Variants in CNKSR1 observed in about 807,000 individuals in gnomAD.
CNKSR1 encodes the protein CNK homolog protein 1.
Under a neutral mutation model 95.6 loss-of-function variants are expected in CNKSR1, and 88 were observed. The ratio of observed to expected loss-of-function variants is 0.92; its 90% CI spans 0.78 to 1.10. The LOEUF is 1.10. Ranked by LOEUF, CNKSR1 falls within the 50% of genes least tolerant of loss-of-function variation. The pLI is 0.00. For synonymous variants in CNKSR1, 355 were observed against 369.7 expected, an observed-to-expected ratio of 0.96 and a Z score of 0.46; for missense variants, 836 against 912.0, an observed-to-expected ratio of 0.92 and a Z score of 1.07.
chr1:26,179,417 G>C (rs932657645), intron 1 of CNKSR1, among the ~76,000 whole-genome samples: 13 of 152,206 alleles, frequency 8.5e-5, no homozygotes, highest in Admixed American at 7.9e-4. Context: ...AATAGCACTT[G>C]CAAGGACGCT....
chr1:26,183,342 T>C lies in CNKSR1; in HGVS notation c.685-4T>C. 1 of 1,614,104 alleles carries C rather than the reference T, an allele frequency of 6.2e-7. No homozygotes were observed. The highest frequency in any genetic ancestry group is 1.1e-5 in the South Asian group (1 of 91,088). Reference sequence around the variant, plus strand: ...CCAACCTCAGGCCCCATTCCCCACGTCAGGTTCCCACTGACTCCCGACTGC... The same window carrying C: ...CCAACCTCAGGCCCCATTCCCCACGCCAGGTTCCCACTGACTCCCGACTGC... On this transcript the variant is annotated splice_polypyrimidine_tract_variant and splice_region_variant and intron_variant, in intron 7 of 20. Transcript: ENST00000361530.
chr1:26,182,490 T>C lies in CNKSR1; in HGVS notation c.530T>C (p.Val177Ala). The C allele has an allele frequency of 6.2e-7, 1 of 1,614,032 alleles. No individual in the cohort carries two copies. The highest frequency in any genetic ancestry group is 1.1e-5 in the South Asian group (1 of 91,082). Reference sequence around the variant, plus strand: ...GCTCCCCTCCCCCAGTGCAGCCACGTGGCTGGGATCTGCCACAACATCCTG... The same window carrying C: ...GCTCCCCTCCCCCAGTGCAGCCACGCGGCTGGGATCTGCCACAACATCCTG... ...EGTVLRICSH[V>A]AGICHNILVC... Residue 177 changes from valine (V) to alanine (A), a missense_variant, in exon 6 of 21, where the codon GTG (valine) becomes GCG (alanine). Coordinates refer to ENST00000361530, the MANE Select transcript of CNKSR1 (RefSeq NM_006314.3).
chr1:26,182,478 A>G lies in CNKSR1; in HGVS notation c.520-2A>G, dbSNP rs1187086111. On this transcript the variant is annotated splice_acceptor_variant, in intron 5 of 20. Coordinates refer to ENST00000361530, the MANE Select transcript of CNKSR1 (RefSeq NM_006314.3). LOFTEE classifies it high-confidence loss of function. ...GCTACATAGCCCGCTCCCCTCCCCCAGTGCAGCCACGTGGCTGGGATCTGC... is the reference window on the plus strand; with the variant it reads ...GCTACATAGCCCGCTCCCCTCCCCCGGTGCAGCCACGTGGCTGGGATCTGC... The G allele has an allele frequency of 1.2e-6, 2 of 1,613,872 alleles. No homozygotes were observed. The highest frequency in any genetic ancestry group is 1.7e-6 in the Non-Finnish European group (2 of 1,179,950).
At position 26,184,971 on chromosome 1, in the gene CNKSR1, C is replaced by T. The variant is rs756967135; in HGVS notation, c.1136-43C>T. On this transcript the variant is annotated intron_variant, in intron 13 of 20. Transcript: ENST00000361530. Reference sequence around the variant, plus strand: ...CAGGGAGTAGGTTTAGCGGGGGCACCTTGCCAGCCCCTCACTGCCCAGCTT... The same window carrying T: ...CAGGGAGTAGGTTTAGCGGGGGCACTTTGCCAGCCCCTCACTGCCCAGCTT... The T allele has an allele frequency of 2.8e-5, 44 of 1,547,644 alleles. No homozygotes were observed. The East Asian group carries it at 4.2e-4, about 15-fold the overall frequency.
rs750912386 is a variant in CNKSR1 at position 26,188,318 on chromosome 1, C to G, written c.1528+11C>G. Reference sequence around the variant, plus strand: ...CACCCCGAGAGGAAGGTAGGTGTCTCGCAGGGTTGAGTGGGAGGAACCCTC... The same window carrying G: ...CACCCCGAGAGGAAGGTAGGTGTCTGGCAGGGTTGAGTGGGAGGAACCCTC... On this transcript the variant is annotated intron_variant, in intron 17 of 20. Coordinates refer to ENST00000361530, the MANE Select transcript of CNKSR1 (RefSeq NM_006314.3). 6.2e-7 allele frequency: 1 copy of G among 1,613,778 alleles called. No individual in the cohort carries two copies. Among genetic ancestry groups the G allele is most frequent in the African/African-American group, 1.3e-5 (1 of 74,880 alleles).
At chr1:26,180,163 A>C in intron 1 of CNKSR1, 1 of 490,862 alleles carries the variant, frequency 2.0e-6, no homozygotes, top group Non-Finnish European at 3.7e-6. Context: ...CCCCAACCTC[A>C]GAGTTTCTGA....
chr1:26,189,662 T>C lies in CNKSR1; in HGVS notation c.*114T>C, dbSNP rs751613100. The C allele has an allele frequency of 2.5e-6, 2 of 785,966 alleles. No individual in the cohort carries two copies. The highest frequency in any genetic ancestry group is 3.4e-5 in the African/African-American group (2 of 59,262). 48.7% of individuals were successfully genotyped at this position (785,966 alleles called of 1,614,324 possible). ...TTCTGTTCAGGGTGGGAAGTAGTAC[T>C]GCTAGTCATGGTCTCACCCCGAGCT... On this transcript the variant is annotated 3_prime_UTR_variant, in exon 21 of 21. Transcript: ENST00000361530.
At chr1:26,177,622 TG>T in intron 1 of CNKSR1, 23 bp downstream of exon 1, 1 of 1,613,524 alleles carries the variant, frequency 6.2e-7, no homozygotes, top group East Asian at 2.2e-5. Flanking sequence ...GGGGTAGAGT[TG>T]GGCTTGAAGG....
chr1:26,189,747 C>G lies in CNKSR1; in HGVS notation c.*199C>G, dbSNP rs1370332079. On this transcript the variant is annotated 3_prime_UTR_variant, in exon 21 of 21. Coordinates refer to ENST00000361530, the MANE Select transcript of CNKSR1 (RefSeq NM_006314.3). Reference sequence around the variant, plus strand: ...CTTGCCAAAGAAGAAACTCTCCCCCCAAATCCTCCAACCTCTGGGGCCACA... The same window carrying G: ...CTTGCCAAAGAAGAAACTCTCCCCCGAAATCCTCCAACCTCTGGGGCCACA... The G allele has an allele frequency of 2.1e-5, 15 of 700,000 alleles. No individual in the cohort carries two copies. The highest frequency in any genetic ancestry group is 3.9e-5 in the Non-Finnish European group (15 of 384,818). 43.4% of individuals were successfully genotyped at this position (700,000 alleles called of 1,614,324 possible). A position where few individuals can be genotyped will look rare whatever the true frequency, so the allele number is the denominator to read the frequency against.
At position 26,188,876 on chromosome 1, in the gene CNKSR1, T is replaced by A; in HGVS notation, c.1795T>A (p.Ser599Thr). ...QPLTQEQWRS[S>T]FMRRNRDPQL... is the part of the protein sequence containing the mutation. ...CCTGACCCAGGAACAGTGGCGGAGC[T>A]CTTTCATGCGGCGCAACCGAGACCC... Residue 599 changes from serine (S) to threonine (T), a missense_variant, in exon 20 of 21, where the codon TCT (serine) becomes ACT (threonine). Physicochemically the swap from Ser to Thr is moderately conservative, Grantham distance 58. Transcript: ENST00000361530. The A allele has an allele frequency of 6.2e-7, 1 of 1,613,328 alleles. No homozygotes were observed. Among genetic ancestry groups the A allele is most frequent in the Non-Finnish European group, 8.5e-7 (1 of 1,179,842 alleles).
In CNKSR1 at chr1:26,188,910, A is replaced by T; in HGVS notation, c.1829A>T (p.Asn610Ile). Residue 610 changes from asparagine (N) to isoleucine (I), a missense_variant, in exon 20 of 21, where the codon AAT (asparagine) becomes ATT (isoleucine). Coordinates refer to ENST00000361530, the MANE Select transcript of CNKSR1 (RefSeq NM_006314.3). ...FMRRNRDPQL[N>I]ERVHRVRALQ... ...CGGCGCAACCGAGACCCTCAGCTCA[A>T]TGAGCGAGTGCACCGTGTGCGGGCG... 1 of 1,613,776 alleles carries T rather than the reference A, an allele frequency of 6.2e-7. No homozygotes were observed. Among genetic ancestry groups the T allele is most frequent in the African/African-American group, 1.3e-5 (1 of 75,002 alleles).
chr1:26,187,540 G>C (rs1411234071), intron 16 of CNKSR1, 58 bp downstream of exon 16: 2 of 1,559,538 alleles, frequency 1.3e-6, no homozygotes, highest in Non-Finnish European at 1.8e-6. Flanking sequence ...CTGTGAGCTT[G>C]GGAGCCTAGG....
intron 1 of CNKSR1, among the ~76,000 whole-genome samples, chr1:26,178,456 C>A (rs1436371486): frequency 6.6e-6 from 1 of 152,156 alleles, no homozygotes. Context: ...GCTCAGCGAG[C>A]CCACACAGAT....
At position 26,185,138 on chromosome 1, in the gene CNKSR1, C is replaced by T. The variant is rs758382265; in HGVS notation, c.1260C>T (p.Arg420=). The change falls in exon 14 of 21, where the codon CGC becomes CGT. Residue 420 remains arginine (R), a synonymous_variant. Transcript: ENST00000361530. The stretch of plus-strand genomic sequence containing the variant: ...TCATGGGCCCGCGCTGGCGCCGCCG[C>T]TGGTTTGTGCTCAAGGGACACACGC... The part of the protein sequence containing the change: ...GGFMGPRWRR[R]WFVLKGHTLY... 1.3e-6 allele frequency: 2 copies of T among 1,575,246 alleles called. No individual in the cohort carries two copies. The highest frequency in any genetic ancestry group is 1.7e-6 in the Non-Finnish European group (2 of 1,160,846).
At chr1:26,182,737 A>C (rs1023013635) in intron 6 of CNKSR1, among the ~76,000 whole-genome samples, 153 bp downstream of exon 6, 2 of 152,180 alleles carry the variant, frequency 1.3e-5, no homozygotes, top group African/African-American at 2.4e-5. Flanking sequence ...AGGATTGGCC[A>C]GGGTCTCCCG....
Position 26,180,332 on chromosome 1 carries a change from T to TG in CNKSR1, c.53-118dup. 7 of 1,231,648 alleles carry TG rather than the reference T, an allele frequency of 5.7e-6. No homozygotes were observed. In the South Asian group the frequency reaches 8.6e-5, roughly 15 times the overall value. 76.3% of individuals were successfully genotyped at this position (1,231,648 alleles called of 1,614,324 possible). On this transcript the variant is annotated intron_variant, in intron 1 of 20. Transcript: ENST00000361530. ...CATCTGTGAAATGGGCAGAACAGCC[T>TG]GGGTGTCAGAGTTGTCATTAGGGTT...
chr1:26,183,561 C>T, intron 8 of CNKSR1, 147 bp downstream of exon 8: 5 of 1,037,200 alleles, frequency 4.8e-6, no homozygotes, highest in Middle Eastern at 2.0e-4. Context: ...GTGAGAGCAT[C>T]CTCTGCAGAG....
In CNKSR1 at chr1:26,188,842, G is replaced by C; in HGVS notation, c.1761G>C (p.Gln587His). ...AGGGTGGCGTGTCCCTCCTAGGCCA[G>C]CCACAGCCCCTGACCCAGGAACAGT... ...LRQGGVSLLG[Q>H]PQPLTQEQWR... is the part of the protein sequence containing the mutation. Residue 587 changes from glutamine (Q) to histidine (H), a missense_variant, in exon 20 of 21, where the codon CAG becomes CAC. Transcript: ENST00000361530. The C allele has an allele frequency of 6.2e-7, 1 of 1,613,444 alleles. No individual in the cohort carries two copies. The highest frequency in any genetic ancestry group is 1.3e-5 in the African/African-American group (1 of 75,030).
At chr1:26,183,975 C>A (rs753770854) in intron 9 of CNKSR1, 96 bp from the exon 10 acceptor site, 13 of 707,786 alleles carry the variant, frequency 1.8e-5, no homozygotes, top group Admixed American at 1.0e-4. Flanking sequence ...CAGACCCCCC[C>A]ACAGGTACCT....
Sources: allele counts gnomAD v4.1 joint callset (sites outside exome capture counted in the v4.1 genomes callset), GRCh38; gene constraint gnomAD v4.1.1; transcripts MANE v1.5; gene names NCBI Gene and HGNC (gene_info 2026-07-23, HGNC 2026-07-21).